Variants in FGD4 observed in about 807,000 individuals in gnomAD.
The protein encoded by FGD4 is FYVE, RhoGEF and PH domain containing 4.
Under a neutral mutation model 102.0 loss-of-function variants are expected in FGD4, and 42 were observed. That is an observed-to-expected ratio of 0.41 (90% CI 0.32 to 0.53). The LOEUF is 0.53. Ranked by LOEUF, FGD4 falls within the 20% of genes least tolerant of loss-of-function variation. FGD4 has a pLI of 0.21. For missense variants in FGD4, 902 were observed against 1,078.2 expected, an observed-to-expected ratio of 0.84 and a Z score of 2.29; for synonymous variants, 380 against 375.7, an observed-to-expected ratio of 1.01 and a Z score of -0.13.
At chr12:32,524,022 G>C (rs774688937) in intron 1 of FGD4, among the ~76,000 whole-genome samples, 1 of 151,690 alleles carries the variant, frequency 6.6e-6, no homozygotes, top group Non-Finnish European at 1.5e-5. Flanking sequence ...ATAGCCACTT[G>C]GCACTGATCT....
At chr12:32,512,641 A>G (rs1939499446) in intron 1 of FGD4, among the ~76,000 whole-genome samples, 1 of 152,154 alleles carries the variant, frequency 6.6e-6, no homozygotes, top group Admixed American at 6.5e-5. Flanking sequence ...AGCAGCCAGT[A>G]AATCCAATAG....
At position 32,624,968 on chromosome 12, in the gene FGD4, T is replaced by C. The variant is rs115061722; in HGVS notation, c.1954-8T>C. 3,957 of 1,611,812 alleles carry C rather than the reference T, an allele frequency of 2.5e-3. 80 individuals are homozygous for C. The African/African-American group carries it at 0.047, about 19-fold the overall frequency. On this transcript the variant is annotated splice_polypyrimidine_tract_variant and splice_region_variant and intron_variant, in intron 12 of 16. Transcript: ENST00000534526. ...TAATGTGTGCTTTGAATTTTACTTA[T>C]ACTTTAGGCCCTTCAAGAAACCATC...
At chr12:32,495,940 C>T (rs1937788627) in intron 1 of FGD4, among the ~76,000 whole-genome samples, 1 of 152,176 alleles carries the variant, frequency 6.6e-6, no homozygotes, top group Non-Finnish European at 1.5e-5. Flanking sequence ...TCAAGGGACC[C>T]TTGCCCACAA....
intron 1 of FGD4, among the ~76,000 whole-genome samples, chr12:32,406,044 A>C (rs1175852288): frequency 6.6e-6 from 1 of 151,970 alleles, no homozygotes; most frequent in Non-Finnish European, 1.5e-5. Flanking sequence ...CCTGGGTTCA[A>C]GTGATTCTCC....
chr12:32,466,253 C>A (rs1007352167), intron 1 of FGD4, among the ~76,000 whole-genome samples: 1 of 152,052 alleles, frequency 6.6e-6, no homozygotes, highest in African/African-American at 2.4e-5. Flanking sequence ...TGGAACTGAA[C>A]CTGCAGTATC....
chr12:32,537,583 C>T (rs148861410), intron 1 of FGD4, among the ~76,000 whole-genome samples: 1 of 152,218 alleles, frequency 6.6e-6, no homozygotes, highest in Non-Finnish European at 1.5e-5. Context: ...TAGCCCCTAT[C>T]CCTATCCCTA....
In FGD4 at chr12:32,643,322, A is replaced by G. The variant is rs1408877049; in HGVS notation, c.*2789A>G. Reference sequence around the variant, plus strand: ...AAAACTCTTTAGGGTATGGTTTTATACTGAAAATTTAATATGAAGGCCCCT... The same window carrying G: ...AAAACTCTTTAGGGTATGGTTTTATGCTGAAAATTTAATATGAAGGCCCCT... On this transcript the variant is annotated 3_prime_UTR_variant, in exon 17 of 17. Transcript: ENST00000534526. 1 of 152,516 alleles carries G rather than the reference A, an allele frequency of 6.6e-6. No homozygotes were observed. The highest frequency in any genetic ancestry group is 1.5e-5 in the Non-Finnish European group (1 of 67,932). The allele number at this position is 152,516 out of a possible 1,614,324, so 9.4% of individuals were successfully genotyped here. A position where few individuals can be genotyped will look rare whatever the true frequency, so the allele number is the denominator to read the frequency against.
chr12:32,439,704 A>G (rs1044237241), intron 1 of FGD4, among the ~76,000 whole-genome samples: 2 of 151,980 alleles, frequency 1.3e-5, no homozygotes, highest in African/African-American at 4.8e-5. Flanking sequence ...TTGGATATTG[A>G]TATCTTTCTC....
chr12:32,470,859 C>T (rs1020048322), intron 1 of FGD4, among the ~76,000 whole-genome samples: 24 of 152,228 alleles, frequency 1.6e-4, no homozygotes, highest in African/African-American at 5.8e-4. Context: ...CAGGGCTTTG[C>T]CTTAGATTGG....
intron 2 of FGD4, among the ~76,000 whole-genome samples, chr12:32,566,327 A>G (rs1359569486): frequency 6.6e-6 from 1 of 152,072 alleles, no homozygotes; most frequent in Non-Finnish European, 1.5e-5. Flanking sequence ...ACCTCTTCAT[A>G]TTGTCACCTT....
At chr12:32,522,511 C>G (rs1198803385) in intron 1 of FGD4, among the ~76,000 whole-genome samples, 1 of 152,198 alleles carries the variant, frequency 6.6e-6, no homozygotes, top group Non-Finnish European at 1.5e-5. Flanking sequence ...TCCTTCTTCT[C>G]TCTCAAGTTA....
intron 1 of FGD4, among the ~76,000 whole-genome samples, chr12:32,415,171 G>T (rs548225736): frequency 7.9e-5 from 12 of 151,974 alleles, no homozygotes; most frequent in East Asian, 5.8e-4. Flanking sequence ...AGTTTTTTTT[G>T]AATGTTTTAA....
At chr12:32,605,147 C>A (rs189609634) in intron 7 of FGD4, among the ~76,000 whole-genome samples, 2 of 151,018 alleles carry the variant, frequency 1.3e-5, no homozygotes, top group Admixed American at 1.3e-4. Context: ...CCATGTTGGC[C>A]AGGCTGGTCT....
intron 7 of FGD4, among the ~76,000 whole-genome samples, chr12:32,605,480 T>C (rs1948719476): frequency 6.6e-6 from 1 of 152,182 alleles, no homozygotes; most frequent in Non-Finnish European, 1.5e-5. Context: ...TTCATACTTT[T>C]CAGTGATATC....
At chr12:32,487,938 T>C (rs541005402) in intron 1 of FGD4, among the ~76,000 whole-genome samples, 37 of 152,324 alleles carry the variant, frequency 2.4e-4, no homozygotes, top group South Asian at 1.0e-3. Context: ...ATAGAACTTA[T>C]TCAGATAGCT....
At position 32,399,814 on chromosome 12, in the gene FGD4, C is replaced by T. The variant is rs1940571397; in HGVS notation, c.21C>T (p.Ser7=). 1 of 1,531,160 alleles carries T rather than the reference C, an allele frequency of 6.5e-7. No individual in the cohort carries two copies. Among genetic ancestry groups the T allele is most frequent in the Non-Finnish European group, 8.7e-7 (1 of 1,145,388 alleles). 94.8% of individuals were successfully genotyped at this position (1,531,160 alleles called of 1,614,324 possible). Residue 7 remains serine (S), a synonymous_variant, in exon 1 of 17, where the codon TCC becomes TCT. Coordinates refer to ENST00000534526, the MANE Select transcript of FGD4 (RefSeq NM_001370298.3). ...GCAGGATGAGCGACGAGGGCGGCTCCAACTTCAGGCGGGTGGCGATCCGGC... is the reference window on the plus strand; with the variant it reads ...GCAGGATGAGCGACGAGGGCGGCTCTAACTTCAGGCGGGTGGCGATCCGGC... MSDEGG[S]NFRRVAIRRK... is the part of the protein sequence containing the mutation.
intron 1 of FGD4, among the ~76,000 whole-genome samples, chr12:32,523,556 G>A (rs1940773003): frequency 6.6e-6 from 1 of 152,216 alleles, no homozygotes; most frequent in Non-Finnish European, 1.5e-5. Context: ...ACTCTAAAAT[G>A]CTACACAACG....
chr12:32,450,377 T>C (rs1277997343), intron 1 of FGD4, among the ~76,000 whole-genome samples: 3 of 145,662 alleles, frequency 2.1e-5, no homozygotes, highest in African/African-American at 8.1e-5. Context: ...AGGCCACCTA[T>C]TTTTTTTATC....
intron 1 of FGD4, among the ~76,000 whole-genome samples, chr12:32,540,334 G>C (rs957075037): frequency 1.3e-5 from 2 of 152,106 alleles, no homozygotes; most frequent in Non-Finnish European, 1.5e-5. Flanking sequence ...CCTCAAAAAA[G>C]GTAACATTGG....
Sources: allele counts gnomAD v4.1 joint callset (sites outside exome capture counted in the v4.1 genomes callset), GRCh38; gene constraint gnomAD v4.1.1; transcripts MANE v1.5; gene names NCBI Gene and HGNC (gene_info 2026-07-23, HGNC 2026-07-21).